RARB: variants seen among roughly 807,000 people sequenced by gnomAD.
RARB encodes the protein HBV-activated protein.
RARB carries 17 observed loss-of-function variants against 51.9 expected under a neutral mutation model. That is an observed-to-expected ratio of 0.33 (90% confidence interval 0.22 to 0.49). The LOEUF (loss-of-function observed/expected upper bound fraction) is 0.49. RARB is among the 20% of genes least tolerant of loss of function. RARB has a pLI of 0.99. For synonymous variants in RARB, 215 were observed against 195.4 expected (o/e 1.10, Z -0.84); for missense variants, 369 against 550.8 (o/e 0.67, Z 3.30).
At chr3:24,899,064 T>C (rs999205980) in intron 2 of RARB, among the ~76,000 whole-genome samples, 5 of 152,232 alleles carry the variant, frequency 3.3e-5, no homozygotes, top group South Asian at 2.1e-4. Context: ...AAGATCATTT[T>C]AGAAATGTAA....
intron 1 of RARB, among the ~76,000 whole-genome samples, chr3:25,451,131 A>C (rs561897979): frequency 6.6e-6 from 1 of 152,158 alleles, no homozygotes; most frequent in African/African-American, 2.4e-5. Context: ...GCCCTAGATT[A>C]AGGAAGGTGG....
At position 24,963,351 on chromosome 3, in the gene RARB, G is replaced by A. The variant is rs572623600; in HGVS notation, c.-379-96774G>A. 4.6e-5 allele frequency among the ~76,000 whole-genome samples: 7 copies of A among 150,554 alleles called. No individual in the cohort carries two copies. In the East Asian group the frequency reaches 5.9e-4, roughly 13 times the overall value. The stretch of plus-strand genomic sequence containing the variant: ...CTCACAGAGGCAAGACACTGGAAAC[G>A]CATCTATTTTTGTCCTTGGTCAGCT... On this transcript the variant is annotated intron_variant, in intron 2 of 11. Coordinates refer to the RARB transcript ENST00000383772.
intron 1 of RARB, among the ~76,000 whole-genome samples, chr3:25,438,880 C>T (rs1250911285): frequency 6.6e-6 from 1 of 152,224 alleles, no homozygotes; most frequent in Admixed American, 6.5e-5. Context: ...ATTTTCTCTA[C>T]TATAAACCAG....
chr3:25,142,004 A>G (rs1306684051), intron 4 of RARB, among the ~76,000 whole-genome samples: 1 of 152,234 alleles, frequency 6.6e-6, no homozygotes, highest in Non-Finnish European at 1.5e-5. Context: ...TCCTAGGACC[A>G]GCAGCATCAG....
chr3:24,971,308 A>C (rs546937061), intron 2 of RARB, among the ~76,000 whole-genome samples: 18 of 152,100 alleles, frequency 1.2e-4, no homozygotes, highest in Admixed American at 1.1e-3. Flanking sequence ...TTAGCTATTT[A>C]CTTTTTCCTT....
intron 5 of RARB, among the ~76,000 whole-genome samples, chr3:25,585,787 T>C (rs1194034867): frequency 6.6e-6 from 1 of 152,158 alleles, no homozygotes; most frequent in Non-Finnish European, 1.5e-5. Flanking sequence ...GCGGGACTGA[T>C]TGTATTTGTC....
intron 3 of RARB, among the ~76,000 whole-genome samples, chr3:25,071,822 T>C (rs1404279993): frequency 6.6e-6 from 1 of 152,188 alleles, no homozygotes; most frequent in Non-Finnish European, 1.5e-5. Flanking sequence ...ACATGCCCAG[T>C]GTGCTAATAT....
intron 5 of RARB, among the ~76,000 whole-genome samples, chr3:25,249,918 G>C (rs1305764243): frequency 1.3e-5 from 2 of 152,178 alleles, no homozygotes; most frequent in Middle Eastern, 3.2e-3. Flanking sequence ...GCCAGGTCCT[G>C]TTGGGCCAAT....
chr3:25,201,292 C>T (rs1344137207), intron 5 of RARB, among the ~76,000 whole-genome samples: 1 of 152,164 alleles, frequency 6.6e-6, no homozygotes, highest in East Asian at 1.9e-4. Flanking sequence ...TATCCTGAGA[C>T]TTTGCTGAAG....
At chr3:25,117,473 G>A (rs1395851426) in intron 3 of RARB, among the ~76,000 whole-genome samples, 2 of 152,168 alleles carry the variant, frequency 1.3e-5, no homozygotes, top group Non-Finnish European at 2.9e-5. Flanking sequence ...AATTTACCAG[G>A]GACATGTAAG....
intron 5 of RARB, among the ~76,000 whole-genome samples, chr3:25,403,156 A>C (rs1707310556): frequency 2.2e-5 from 3 of 136,896 alleles, no homozygotes; most frequent in Non-Finnish European, 3.2e-5. Flanking sequence ...GAAAGACTGC[A>C]TCTCAAAAAA....
chr3:24,965,171 G>C (rs927590756), intron 2 of RARB, among the ~76,000 whole-genome samples: 18 of 152,152 alleles, frequency 1.2e-4, no homozygotes, highest in African/African-American at 4.1e-4. Context: ...ATCATCATGT[G>C]TGGAGTTCTT....
rs961026055 is a variant in RARB, at chr3:25,214,680, C to A, written c.178+40105C>A. Among the ~76,000 whole-genome samples, 7 of 152,256 alleles carry A rather than the reference C, an allele frequency of 4.6e-5. No homozygotes were observed. In the East Asian group the frequency reaches 9.7e-4, roughly 21 times the overall value. ...GGAGCTGGCTCAATTTACACAGTTC[C>A]CAAGGGAATTATAAGATGAAAGTGT... On this transcript the variant is annotated intron_variant, in intron 5 of 11. Transcript: ENST00000383772.
At chr3:24,892,769 T>C (rs144448100) in intron 2 of RARB, among the ~76,000 whole-genome samples, 58 of 152,316 alleles carry the variant, frequency 3.8e-4, no homozygotes, top group Non-Finnish European at 7.5e-4. Flanking sequence ...GTGTAACATA[T>C]ACTATTACAA....
intron 3 of RARB, among the ~76,000 whole-genome samples, chr3:25,543,030 C>G (rs1699449660): frequency 6.6e-6 from 1 of 152,112 alleles, no homozygotes; most frequent in African/African-American, 2.4e-5. Flanking sequence ...GTGATTTTGC[C>G]ACTTAGGAAA....
At chr3:25,368,961 C>G (rs1706218275) in intron 5 of RARB, among the ~76,000 whole-genome samples, 1 of 152,138 alleles carries the variant, frequency 6.6e-6, no homozygotes, top group Non-Finnish European at 1.5e-5. Context: ...ATGAACTCTA[C>G]TTACATGTAA....
chr3:24,874,625 A>AT (rs1029433351), intron 2 of RARB, among the ~76,000 whole-genome samples: 1 of 151,896 alleles, frequency 6.6e-6, no homozygotes, highest in African/African-American at 2.4e-5. Flanking sequence ...TTTTGATTAG[A>AT]TTTTGACTCA....
At chr3:25,208,211 T>A (rs1044392810) in intron 5 of RARB, among the ~76,000 whole-genome samples, 10 of 152,296 alleles carry the variant, frequency 6.6e-5, no homozygotes, top group African/African-American at 1.9e-4. Context: ...AACTGAAGAT[T>A]TGGAGGGGAC....
At chr3:25,460,086 A>G (rs1299895134) in intron 1 of RARB, among the ~76,000 whole-genome samples, 1 of 152,218 alleles carries the variant, frequency 6.6e-6, no homozygotes, top group East Asian at 1.9e-4. Context: ...ATAAAGAGTA[A>G]CATGACTTAA....
Sources: allele counts gnomAD v4.1 joint callset (sites outside exome capture counted in the v4.1 genomes callset), GRCh38; gene constraint gnomAD v4.1.1; transcripts MANE v1.5; gene names NCBI Gene and HGNC (gene_info 2026-07-23, HGNC 2026-07-21).